The following MGST1 variants were observed in gnomAD, a reference collection of about 807,000 sequenced individuals.
MGST1 encodes the protein microsomal glutathione S-transferase 1.
Under a neutral mutation model 8.9 loss-of-function variants are expected in MGST1, and 5 were observed. The observed-to-expected ratio is 0.56, with a 90% CI of 0.29 to 1.19. MGST1 has a LOEUF of 1.19. MGST1 is among the 50% of genes most tolerant of loss of function. The probability of loss-of-function intolerance (pLI) is 0.08; values close to 1 mark genes in which losing one functional copy is unlikely to be tolerated. For missense variants in MGST1, 182 were observed against 187.4 expected (o/e 0.97, Z 0.17); for synonymous variants, 54 against 67.8 (o/e 0.80, Z 1.00).
intron 3 of MGST1, among the ~76,000 whole-genome samples, chr12:16,372,024 A>G (rs924594842): frequency 2.0e-5 from 3 of 150,664 alleles, no homozygotes; most frequent in African/African-American, 7.3e-5. Flanking sequence ...GCCATATACA[A>G]AAATCAAACC....
At chr12:16,563,147 G>A (rs74630532) in intron 4 of MGST1, among the ~76,000 whole-genome samples, 25 of 152,260 alleles carry the variant, frequency 1.6e-4, no homozygotes, top group East Asian at 7.7e-4. Context: ...CTAAGAGGGC[G>A]AATCTTACAA....
In MGST1 at chr12:16,513,699, C is replaced by T; in HGVS notation, n.483-75829C>T. On this transcript the variant is annotated intron_variant and non_coding_transcript_variant, in intron 4 of 4. Transcript: ENST00000538857. This position sits in a 1 kb window ranked among gnomAD's most constrained non-coding sequence, Gnocchi z 4.2. ...CCATTGGGCGGCTGGCTGAATTTTGCAAGGCATCTGCAGAAGTAGCCTTGG... is the reference window on the plus strand; with the variant it reads ...CCATTGGGCGGCTGGCTGAATTTTGTAAGGCATCTGCAGAAGTAGCCTTGG... 1.8e-6 allele frequency: 1 copy of T among 547,750 alleles called. No individual in the cohort carries two copies. The allele number at this position is 547,750 out of a possible 1,614,324, so 33.9% of individuals were successfully genotyped here.
At chr12:16,376,105 T>A in intron 3 of MGST1, 2 of 1,314,026 alleles carry the variant, frequency 1.5e-6, no homozygotes, top group Non-Finnish European at 2.1e-6. Flanking sequence ...AAATCTTATT[T>A]TTTTTTAATT....
chr12:16,377,401 G>A (rs1191400817), downstream of MGST1, among the ~76,000 whole-genome samples: 1 of 148,288 alleles, frequency 6.7e-6, no homozygotes, highest in Non-Finnish European at 1.5e-5. Flanking sequence ...ATGGTGTTTC[G>A]TTTTTTGTCC....
chr12:16,380,564 T>C (rs1940443513), downstream of MGST1, among the ~76,000 whole-genome samples: 1 of 152,198 alleles, frequency 6.6e-6, no homozygotes, highest in Non-Finnish European at 1.5e-5. Flanking sequence ...TACTTCCAAC[T>C]ATGTGGTCGA....
Position 16,413,258 on chromosome 12 carries a change from C to T in MGST1, n.779-24130C>T, listed in dbSNP as rs1163419676. 6.6e-6 allele frequency among the ~76,000 whole-genome samples: 1 copy of T among 152,120 alleles called. No homozygotes were observed. On this transcript the variant is annotated intron_variant and non_coding_transcript_variant, in intron 1 of 1. Coordinates refer to the MGST1 transcript ENST00000359720. This position sits in a 1 kb window ranked among gnomAD's most constrained non-coding sequence, Gnocchi z 4.0. ...GCTGTGTTGCCATTTGGGCAACCAC[C>T]ACATACCACTTGTGTTGAGAAGCCA...
chr12:16,368,993 G>A (rs713593), downstream of MGST1, among the ~76,000 whole-genome samples: 42,773 of 151,306 alleles, frequency 0.28, 6,191 homozygotes, highest in Middle Eastern at 0.31. Context: ...AAACTAAGAG[G>A]GACATCAGTG....
intron 3 of MGST1, among the ~76,000 whole-genome samples, chr12:16,372,478 G>A (rs768886260): frequency 2.0e-5 from 3 of 152,042 alleles, no homozygotes; most frequent in South Asian, 2.1e-4. Context: ...CCACAATGTG[G>A]TATCATCTCA....
At chr12:16,494,636 A>G (rs1591744657) in intron 4 of MGST1, among the ~76,000 whole-genome samples, 1 of 152,300 alleles carries the variant, frequency 6.6e-6, no homozygotes, top group South Asian at 2.1e-4. Flanking sequence ...GAGGCCTTGC[A>G]TGGATGGGAC....
At chr12:16,487,255 A>G (rs921358466) in intron 4 of MGST1, among the ~76,000 whole-genome samples, 6 of 152,220 alleles carry the variant, frequency 3.9e-5, no homozygotes, top group African/African-American at 9.6e-5. Context: ...AAGAAATCCC[A>G]TTAGGTTTTG....
chr12:16,591,460 A>G (rs1943493069), downstream of MGST1, among the ~76,000 whole-genome samples: 1 of 151,926 alleles, frequency 6.6e-6, no homozygotes, highest in Non-Finnish European at 1.5e-5. This position sits in a 1 kb window ranked among gnomAD's most constrained non-coding sequence, Gnocchi z 4.1. Flanking sequence ...CTCATGCCCT[A>G]TACTTATTTT....
At chr12:16,405,524 C>CA (rs1405962107) in intron 1 of MGST1, among the ~76,000 whole-genome samples, 11 of 152,016 alleles carry the variant, frequency 7.2e-5, no homozygotes, top group Non-Finnish European at 7.4e-5. Context: ...GAAACTATTC[C>CA]AAAAAATTGA....
rs1941477969 is a variant in MGST1, at chr12:16,497,413, A to T, written n.483-92115A>T. ...GAGCAAAAAGCTCATTAAAGCAATG[A>T]TCTGAAATCTAGAGAGAAGAGTGGA... On this transcript the variant is annotated intron_variant and non_coding_transcript_variant, in intron 4 of 4. Transcript: ENST00000538857. The surrounding 1 kb of genome is among the most constrained non-coding windows in gnomAD (Gnocchi z 4.4). Among the ~76,000 whole-genome samples, 1 of 152,168 alleles carries T rather than the reference A, an allele frequency of 6.6e-6. No individual in the cohort carries two copies. Among genetic ancestry groups the T allele is most frequent in the African/African-American group, 2.4e-5 (1 of 41,456 alleles).
chr12:16,425,634 A>G (rs983776619), intron 1 of MGST1, among the ~76,000 whole-genome samples: 6 of 152,190 alleles, frequency 3.9e-5, no homozygotes, highest in African/African-American at 1.4e-4. Flanking sequence ...CAATAAAGAC[A>G]CTTCTACCTC....
chr12:16,400,198 A>G, intron 1 of MGST1: 3 of 987,476 alleles, frequency 3.0e-6, no homozygotes, highest in South Asian at 1.3e-5. Flanking sequence ...TGTCTCTCCC[A>G]CTTCTGTGTA....
intron 4 of MGST1, among the ~76,000 whole-genome samples, chr12:16,580,090 T>C (rs369122575): frequency 6.6e-6 from 1 of 152,202 alleles, no homozygotes; most frequent in Non-Finnish European, 1.5e-5. Flanking sequence ...TACAATATGA[T>C]ATCATTTATC....
intron 4 of MGST1, among the ~76,000 whole-genome samples, chr12:16,481,736 G>T (rs2137145606): frequency 6.6e-6 from 1 of 151,882 alleles, no homozygotes; most frequent in South Asian, 2.1e-4. Flanking sequence ...TAAAATAACG[G>T]TTATAAAAGA....
chr12:16,576,931 A>G lies in MGST1; in HGVS notation n.483-12597A>G, dbSNP rs1043208612. Among the ~76,000 whole-genome samples, 2 of 152,206 alleles carry G rather than the reference A, an allele frequency of 1.3e-5. No homozygotes were observed. The highest frequency in any genetic ancestry group is 3.8e-4 in the East Asian group (2 of 5,198). ...CCCCACGTTCTTTCCTAAACTATCT[A>G]TTTTAGAAATAACCCAATAAGGGCA... On this transcript the variant is annotated intron_variant and non_coding_transcript_variant, in intron 4 of 4. Coordinates refer to the MGST1 transcript ENST00000538857. This position sits in a 1 kb window ranked among gnomAD's most constrained non-coding sequence, Gnocchi z 4.1.
chr12:16,478,344 A>T (rs987379441), intron 4 of MGST1, among the ~76,000 whole-genome samples: 4 of 152,144 alleles, frequency 2.6e-5, no homozygotes, highest in African/African-American at 9.7e-5. Context: ...CTGTGTTTTT[A>T]GAGCCTCCCT....
Sources: allele counts gnomAD v4.1 joint callset (sites outside exome capture counted in the v4.1 genomes callset), GRCh38; gene constraint gnomAD v4.1.1; non-coding constraint Gnocchi (gnomAD v3.1); transcripts MANE v1.5; gene names NCBI Gene and HGNC (gene_info 2026-07-23, HGNC 2026-07-21).